The following LRRC53 variants were observed in gnomAD, a reference collection of about 807,000 sequenced individuals.
LRRC53 encodes the protein leucine-rich repeat-containing protein 53.
A neutral mutation model predicts 13.6 loss-of-function variants in LRRC53; 25 were observed. That is an observed-to-expected ratio of 1.83 (90% confidence interval 1.34 to 2.56). LRRC53 has a LOEUF of 2.56. Among genes scored for constraint, LRRC53 ranks in the 30% most tolerant of loss-of-function variants. LRRC53 has a pLI of 0.00. For synonymous variants in LRRC53, 204 were observed against 109.8 expected, an observed-to-expected ratio of 1.86 and a Z score of -5.37; for missense variants, 527 against 275.8, an observed-to-expected ratio of 1.91 and a Z score of -6.45.
chr1:74,470,327 G>C lies in LRRC53; in HGVS notation c.3295C>G (p.Gln1099Glu). ...CCTTTTAAGGTCATTTGTGAGATCT[G>C]AGTTAACATACTAGAATCTGTCTTG... ...ESKTDSSMLT[Q>E]ISQMTLKGIT... The change falls in exon 5 of 5, where the codon CAG (glutamine) becomes GAG (glutamate). Residue 1099 changes from glutamine to glutamate, a missense_variant. Gln to Glu is a conservative substitution (Grantham distance 29). Transcript: ENST00000294635. 1 of 400,586 alleles carries C rather than the reference G, an allele frequency of 2.5e-6. No homozygotes were observed. Among genetic ancestry groups the C allele is most frequent in the Non-Finnish European group, 4.4e-6 (1 of 226,144 alleles). The allele number at this position is 400,586 out of a possible 1,614,324, so 24.8% of individuals were successfully genotyped here. A position where few individuals can be genotyped will look rare whatever the true frequency, so the allele number is the denominator to read the frequency against.
At chr1:74,482,098 G>A (rs1482838690) in intron 2 of LRRC53, among the ~76,000 whole-genome samples, 6 of 152,102 alleles carry the variant, frequency 3.9e-5, no homozygotes, top group South Asian at 4.2e-4. Context: ...TGGCCAGTTC[G>A]GCATTTTGTT....
At chr1:74,477,850 A>T (rs182731646) in intron 3 of LRRC53, among the ~76,000 whole-genome samples, 158 of 152,354 alleles carry the variant, frequency 1.0e-3, no homozygotes, top group African/African-American at 3.6e-3. Context: ...AAAGTGTTCT[A>T]ACAATCTACC....
chr1:74,486,670 A>AATT (rs1668785237), intron 1 of LRRC53, among the ~76,000 whole-genome samples: 2 of 151,994 alleles, frequency 1.3e-5, no homozygotes, highest in African/African-American at 4.8e-5. Context: ...CATAAGACTG[A>AATT]ATTAACTCCT....
At chr1:74,517,078 G>C (rs986246152), upstream of LRRC53, among the ~76,000 whole-genome samples, 2 of 152,072 alleles carry the variant, frequency 1.3e-5, no homozygotes, top group African/African-American at 2.4e-5. Context: ...ATTTAATTCA[G>C]CTTTTCCCCC....
intron 1 of LRRC53, among the ~76,000 whole-genome samples, chr1:74,491,087 TG>T (rs1669049250): frequency 6.6e-6 from 1 of 152,194 alleles, no homozygotes; most frequent in South Asian, 2.1e-4. Flanking sequence ...TAATTAAAAC[TG>T]GGATACACAT....
intron 3 of LRRC53, among the ~76,000 whole-genome samples, chr1:74,479,184 T>A (rs1036055711): frequency 6.6e-6 from 1 of 152,124 alleles, no homozygotes; most frequent in Non-Finnish European, 1.5e-5. Context: ...ATCACCATGG[T>A]TACCCACAGG....
upstream of LRRC53, among the ~76,000 whole-genome samples, chr1:74,514,539 T>A (rs1646320611): frequency 6.6e-6 from 1 of 152,196 alleles, no homozygotes; most frequent in Non-Finnish European, 1.5e-5. Context: ...CTAGTACACA[T>A]ATTATTAATA....
chr1:74,471,072 G>A lies in LRRC53; in HGVS notation c.2550C>T (p.His850=). The A allele has an allele frequency of 2.5e-6, 1 of 400,754 alleles. No homozygotes were observed. Among genetic ancestry groups the A allele is most frequent in the Non-Finnish European group, 4.4e-6 (1 of 226,192 alleles). The allele number at this position is 400,754 out of a possible 1,614,324, so 24.8% of individuals were successfully genotyped here. ...TTGAGAATTGAGAATGTGAGTGCCT[G>A]TGCTCAGCATCAGTGGGTGTAGGTT... ...LPQPTPTDAE[H]RHSHSQFSTE... The change falls in exon 5 of 5, where the codon CAC becomes CAT. Residue 850 remains histidine (H), a synonymous_variant. Coordinates refer to ENST00000294635, the MANE Select transcript of LRRC53 (RefSeq NM_001382280.1).
At chr1:74,525,707 C>T in the LRRC53 span, among the ~76,000 whole-genome samples, 1 of 152,134 alleles carries the variant, frequency 6.6e-6, no homozygotes, top group Non-Finnish European at 1.5e-5. Context: ...CCATGGAGGC[C>T]TGGATGTGCA....
chr1:74,532,813 G>T, the LRRC53 span, among the ~76,000 whole-genome samples: 1 of 152,068 alleles, frequency 6.6e-6, no homozygotes, highest in Admixed American at 6.6e-5. Flanking sequence ...AAGCAATGGG[G>T]AAAGGATTCC....
the LRRC53 span, among the ~76,000 whole-genome samples, chr1:74,521,846 T>C: frequency 6.6e-6 from 1 of 152,186 alleles, no homozygotes. Context: ...TGAGAATAAG[T>C]CAGAATTTCT....
chr1:74,515,903 G>T (rs1358251473), upstream of LRRC53, among the ~76,000 whole-genome samples: 1 of 152,160 alleles, frequency 6.6e-6, no homozygotes, highest in Non-Finnish European at 1.5e-5. Flanking sequence ...ATGCCCCATA[G>T]TGCCAGTTTA....
At chr1:74,479,520 A>G (rs1457786611) in intron 3 of LRRC53, among the ~76,000 whole-genome samples, 1 of 152,228 alleles carries the variant, frequency 6.6e-6, no homozygotes, top group Non-Finnish European at 1.5e-5. Context: ...GAGAAGTTAG[A>G]TAATGCATCC....
chr1:74,478,346 A>G (rs1011893180), intron 3 of LRRC53, among the ~76,000 whole-genome samples: 5 of 152,222 alleles, frequency 3.3e-5, no homozygotes, highest in African/African-American at 1.2e-4. Flanking sequence ...TTATTCATGT[A>G]TATTAAGCTC....
chr1:74,505,350 C>G lies in LRRC53; in HGVS notation c.-27+7176G>C, dbSNP rs529791283. Among the ~76,000 whole-genome samples, 3 of 152,300 alleles carry G rather than the reference C, an allele frequency of 2.0e-5. No individual in the cohort carries two copies. The East Asian group carries it at 5.8e-4, about 29-fold the overall frequency. On this transcript the variant is annotated intron_variant, in intron 1 of 4. Coordinates refer to ENST00000294635, the MANE Select transcript of LRRC53 (RefSeq NM_001382280.1). ...ACTCCAGCTCTGGCCTCGCCCTGCT[C>G]CCTCCTGACTCCAGTATTTGTGTTG...
At chr1:74,486,234 G>GAGAGAGAGAGAGAGT in intron 1 of LRRC53, among the ~76,000 whole-genome samples, 1 of 56,262 alleles carries the variant, frequency 1.8e-5, no homozygotes, top group Non-Finnish European at 4.9e-5. Flanking sequence ...AGAGAGAGAG[G>GAGAGAGAGAGAGAGT]TGGGAAATAT....
intron 1 of LRRC53, among the ~76,000 whole-genome samples, chr1:74,496,930 G>T (rs1669356328): frequency 6.6e-6 from 1 of 152,116 alleles, no homozygotes; most frequent in Non-Finnish European, 1.5e-5. Flanking sequence ...TTTATGTGGG[G>T]CTGGGCTCTA....
In LRRC53 at chr1:74,471,451, A is replaced by C. The variant is rs1667928689; in HGVS notation, c.2171T>G (p.Phe724Cys). ...GQNLKLNLHP[F>C]RKVRVHPEKS... ...TTCTGGATGGACTCTGACTTTTCTAAAAGGATGTAAATTTAATTTTAAGTT... is the reference window on the plus strand; with the variant it reads ...TTCTGGATGGACTCTGACTTTTCTACAAGGATGTAAATTTAATTTTAAGTT... Residue 724 changes from phenylalanine to cysteine, a missense_variant, in exon 5 of 5, where the codon TTT becomes TGT. Physicochemically the swap from Phe to Cys is radical, Grantham distance 205. Transcript: ENST00000294635. 2.5e-6 allele frequency: 1 copy of C among 400,670 alleles called. No homozygotes were observed. 24.8% of individuals were successfully genotyped at this position (400,670 alleles called of 1,614,324 possible).
At position 74,475,629 on chromosome 1, in the gene LRRC53, G is replaced by A. The variant is rs374593504; in HGVS notation, c.1086C>T (p.Asn362=). 142 of 717,064 alleles carry A rather than the reference G, an allele frequency of 2.0e-4. No homozygotes were observed. Among genetic ancestry groups the A allele is most frequent in the South Asian group, 1.3e-3 (89 of 67,570 alleles). The allele number at this position is 717,064 out of a possible 1,614,324, so 44.4% of individuals were successfully genotyped here. The change falls in exon 4 of 5, where the codon AAC becomes AAT. Residue 362 remains asparagine (N), a synonymous_variant. Coordinates refer to ENST00000294635, the MANE Select transcript of LRRC53 (RefSeq NM_001382280.1). ...CCACAGTGGACATGACCTTTATCTC[G>A]TTTTCCTGAGTTAAGTGGCAGTTGC... ...GYCNCHLTQE[N]EIKVMSTVGS... is the part of the protein sequence containing the mutation.
Sources: allele counts gnomAD v4.1 joint callset (sites outside exome capture counted in the v4.1 genomes callset), GRCh38; gene constraint gnomAD v4.1.1; transcripts MANE v1.5; gene names NCBI Gene and HGNC (gene_info 2026-07-23, HGNC 2026-07-21).